The following HSPA12A variants were observed in gnomAD, a reference collection of about 807,000 sequenced individuals.
The protein encoded by HSPA12A is heat shock protein family A (Hsp70) member 12A.
Under a neutral mutation model 69.2 loss-of-function variants are expected in HSPA12A, and 28 were observed. That is an observed-to-expected ratio of 0.40 (90% CI 0.30 to 0.55). The LOEUF (loss-of-function observed/expected upper bound fraction) is 0.55, where lower values mean the gene tolerates loss of function less well. Among genes scored for constraint, HSPA12A ranks in the 20% least tolerant of loss-of-function variants. The probability of loss-of-function intolerance (pLI) is 0.38; values close to 1 mark genes in which losing one functional copy is unlikely to be tolerated. For missense variants in HSPA12A, 686 were observed against 900.7 expected (o/e 0.76, Z 3.05); for synonymous variants, 345 against 370.5 (o/e 0.93, Z 0.79).
intron 1 of HSPA12A, among the ~76,000 whole-genome samples, chr10:116,719,257 C>A (rs1029546853): frequency 2.6e-4 from 40 of 152,196 alleles, no homozygotes; most frequent in Non-Finnish European, 8.8e-5. Flanking sequence ...GACCCACAGT[C>A]CTGACTGATG....
chr10:116,763,775 G>A (rs990883542), intron 2 of HSPA12A, among the ~76,000 whole-genome samples: 1 of 152,224 alleles, frequency 6.6e-6, no homozygotes, highest in East Asian at 1.9e-4. Context: ...AAGATCATCT[G>A]AGGTTTCTAA....
intron 1 of HSPA12A, among the ~76,000 whole-genome samples, chr10:116,838,355 T>C (rs1845752279): frequency 6.6e-6 from 1 of 152,182 alleles, no homozygotes; most frequent in African/African-American, 2.4e-5. Flanking sequence ...AGGCTGAGTG[T>C]CCTCTGCATG....
intron 1 of HSPA12A, among the ~76,000 whole-genome samples, chr10:116,726,243 T>C (rs1850959565): frequency 6.6e-6 from 1 of 152,090 alleles, no homozygotes; most frequent in South Asian, 2.1e-4. Context: ...TCTGCACCCA[T>C]GACCAGCCAT....
intron 2 of HSPA12A, among the ~76,000 whole-genome samples, chr10:116,817,094 C>T (rs1845320059): frequency 6.6e-6 from 1 of 152,168 alleles, no homozygotes; most frequent in South Asian, 2.1e-4. Flanking sequence ...GCAACCTATA[C>T]CCCTTCCCCC....
chr10:116,786,983 G>GACACACAC (rs111355992), intron 2 of HSPA12A, among the ~76,000 whole-genome samples: 54 of 66,822 alleles, frequency 8.1e-4, no homozygotes, highest in African/African-American at 1.8e-3. Context: ...TCACCTCCCG[G>GACACACAC]ACACACACAC....
chr10:116,742,595 T>A, upstream of HSPA12A: 1 of 1,110,148 alleles, frequency 9.0e-7, no homozygotes, highest in Non-Finnish European at 1.1e-6. Context: ...AGCGCTGCTC[T>A]GACGCGGCAG....
At chr10:116,705,050 G>A in intron 3 of HSPA12A, 101 bp downstream of exon 3, 1 of 1,414,870 alleles carries the variant, frequency 7.1e-7, no homozygotes, top group Non-Finnish European at 9.7e-7. Flanking sequence ...ACAGAATCCA[G>A]GGCCGTCTTC....
At chr10:116,764,967 C>T (rs1554889619) in intron 2 of HSPA12A, among the ~76,000 whole-genome samples, 2 of 152,114 alleles carry the variant, frequency 1.3e-5, no homozygotes, top group African/African-American at 2.4e-5. Flanking sequence ...AGTATTGGTG[C>T]TGTAATTCTG....
chr10:116,711,256 A>G (rs1589651018), intron 1 of HSPA12A, among the ~76,000 whole-genome samples: 1 of 152,272 alleles, frequency 6.6e-6, no homozygotes, highest in African/African-American at 2.4e-5. Context: ...ACTCTCACCC[A>G]GGGGATAGTC....
intron 6 of HSPA12A, among the ~76,000 whole-genome samples, chr10:116,690,186 C>T (rs903136389): frequency 3.3e-5 from 5 of 152,176 alleles, no homozygotes; most frequent in African/African-American, 9.7e-5. Flanking sequence ...AGAAGACAGG[C>T]TAAAGAGACT....
chr10:116,738,962 A>C (rs1190550455), intron 1 of HSPA12A, among the ~76,000 whole-genome samples: 1 of 152,394 alleles, frequency 6.6e-6, no homozygotes, highest in East Asian at 1.9e-4. Context: ...TCCCATAGCC[A>C]GAACCCTAAC....
At chr10:116,740,650 G>A (rs1458226992) in intron 1 of HSPA12A, among the ~76,000 whole-genome samples, 22 of 14,950 alleles carry the variant, frequency 1.5e-3, no homozygotes, top group African/African-American at 3.3e-3. Flanking sequence ...GTGTGTGTGT[G>A]TGTGTGTGTG....
At chr10:116,842,936 A>G (rs931508100) in intron 1 of HSPA12A, among the ~76,000 whole-genome samples, 4 of 152,100 alleles carry the variant, frequency 2.6e-5, no homozygotes, top group African/African-American at 9.7e-5. Flanking sequence ...TCTCTTTACT[A>G]TCTGAACTCA....
chr10:116,678,254 G>A (rs1376401821), intron 10 of HSPA12A, among the ~76,000 whole-genome samples: 1 of 150,664 alleles, frequency 6.6e-6, no homozygotes, highest in Non-Finnish European at 1.5e-5. Context: ...GTCCCCTGAT[G>A]GGATGCAGTA....
At chr10:116,831,611 C>T (rs1291528403) in intron 2 of HSPA12A, 6 of 152,152 alleles carry the variant, frequency 3.9e-5, no homozygotes, top group African/African-American at 2.4e-5. Context: ...TTCACCTTTC[C>T]GGGGTCCCCA....
intron 2 of HSPA12A, among the ~76,000 whole-genome samples, chr10:116,767,365 A>G (rs782125218): frequency 1.3e-4 from 20 of 151,940 alleles, no homozygotes; most frequent in Admixed American, 6.6e-4. Flanking sequence ...CCCCTCCCCC[A>G]CCAGTGACGG....
chr10:116,674,935 C>T lies in HSPA12A; in HGVS notation c.1874G>A (p.Arg625His), dbSNP rs555217651. ...DPGVKKCGTLRLDLTGTSGTA... is the reference protein window; with the variant it reads ...DPGVKKCGTLHLDLTGTSGTA... ...GCCACTGGTCCCTGTGAGATCCAGGCGGAGCGTGCCACACTTCTTCACCCC... is the reference window on the plus strand; with the variant it reads ...GCCACTGGTCCCTGTGAGATCCAGGTGGAGCGTGCCACACTTCTTCACCCC... Residue 625 changes from arginine to histidine, a missense_variant, in exon 12 of 12, where the codon CGC becomes CAC. Physicochemically the swap from Arg to His is conservative, Grantham distance 29. Transcript: ENST00000369209. The T allele has an allele frequency of 3.2e-5, 51 of 1,614,090 alleles. No individual in the cohort carries two copies. The highest frequency in any genetic ancestry group is 2.7e-5 in the Non-Finnish European group (32 of 1,180,022).
chr10:116,735,933 C>G (rs1665640), intron 1 of HSPA12A, among the ~76,000 whole-genome samples: 149,962 of 152,248 alleles, frequency 0.98, 73,900 homozygotes, highest in Middle Eastern at 1. Flanking sequence ...GGAAGCAGAG[C>G]TTACATAAGC....
intron 10 of HSPA12A, among the ~76,000 whole-genome samples, chr10:116,679,281 T>C (rs993114829): frequency 1.8e-4 from 28 of 152,248 alleles, no homozygotes; most frequent in African/African-American, 6.8e-4. Flanking sequence ...CCAACATGTA[T>C]GAATTCATTG....
Sources: allele counts gnomAD v4.1 joint callset (sites outside exome capture counted in the v4.1 genomes callset), GRCh38; gene constraint gnomAD v4.1.1; transcripts MANE v1.5; gene names NCBI Gene and HGNC (gene_info 2026-07-23, HGNC 2026-07-21).